The following ABLIM1 variants were observed in gnomAD, a reference collection of about 807,000 sequenced individuals.
The protein encoded by ABLIM1 is actin-binding LIM protein 1.
In ABLIM1, 40 loss-of-function variants were observed where a neutral mutation model predicts 107.0. The ratio of observed to expected loss-of-function variants is 0.37; its 90% CI spans 0.29 to 0.49. The LOEUF is 0.49. Ranked by LOEUF, ABLIM1 falls within the 20% of genes least tolerant of loss-of-function variation. The pLI is 0.97. For missense variants in ABLIM1, 857 were observed against 1,008.5 expected, an observed-to-expected ratio of 0.85 and a Z score of 2.04; for synonymous variants, 357 against 357.3, an observed-to-expected ratio of 1.00 and a Z score of 0.01.
At chr10:114,604,439 G>A (rs1001537722) in intron 1 of ABLIM1, among the ~76,000 whole-genome samples, 1 of 152,250 alleles carries the variant, frequency 6.6e-6, no homozygotes, top group African/African-American at 2.4e-5. Flanking sequence ...TAGCAATAAG[G>A]TTTTTGATAA....
chr10:114,540,865 C>T (rs1000216335), intron 6 of ABLIM1, among the ~76,000 whole-genome samples: 3 of 152,086 alleles, frequency 2.0e-5, no homozygotes, highest in Non-Finnish European at 1.5e-5. Context: ...AATGGTGACC[C>T]GATCATCACC....
At chr10:114,687,655 T>C (rs532328858), upstream of ABLIM1, among the ~76,000 whole-genome samples, 8 of 152,140 alleles carry the variant, frequency 5.3e-5, no homozygotes, top group Non-Finnish European at 1.2e-4. Context: ...GAGACAAAGC[T>C]TACCACCATG....
chr10:114,527,303 A>C (rs1003927166), intron 6 of ABLIM1, among the ~76,000 whole-genome samples: 2 of 152,200 alleles, frequency 1.3e-5, no homozygotes, highest in African/African-American at 4.8e-5. Context: ...CCCTTTTGTT[A>C]CTTCAGAATT....
At chr10:114,517,528 G>A (rs12240514) in intron 6 of ABLIM1, among the ~76,000 whole-genome samples, 4,516 of 152,130 alleles carry the variant, frequency 0.03, 97 homozygotes, top group South Asian at 0.072. Context: ...TTTCTGTCAT[G>A]TTTGAGCTGC....
At chr10:114,500,770 AG>A (rs2060316316) in intron 6 of ABLIM1, among the ~76,000 whole-genome samples, 1 of 147,278 alleles carries the variant, frequency 6.8e-6, no homozygotes, top group South Asian at 2.3e-4. Flanking sequence ...AGGGAAGGGA[AG>A]GGAAGGGAAG....
At chr10:114,462,504 G>C (rs952782093) in intron 12 of ABLIM1, among the ~76,000 whole-genome samples, 1 of 152,118 alleles carries the variant, frequency 6.6e-6, no homozygotes, top group Non-Finnish European at 1.5e-5. Flanking sequence ...GCATCATGTG[G>C]GAGTTAGGAC....
rs71007483 is a variant in ABLIM1 at position 114,622,247 on chromosome 10, C to CTTT, written c.245-20289_245-20287dup. 3.2e-3 allele frequency among the ~76,000 whole-genome samples: 441 copies of CTTT among 136,548 alleles called. 5 individuals carry two copies. The highest frequency in any genetic ancestry group is 0.011 in the African/African-American group (407 of 37,408). The allele number at this position is 136,548 out of a possible 152,430, so 89.6% of individuals were successfully genotyped here. A position where few individuals can be genotyped will look rare whatever the true frequency, so the allele number is the denominator to read the frequency against. The stretch of plus-strand genomic sequence containing the variant: ...TTTCCTATCATCCACTTTTCTTTTT[C>CTTT]TTTTTTTTTTTTTTTTTGAGACAGG... On this transcript the variant is annotated intron_variant, in intron 1 of 22. Coordinates refer to ENST00000533213, the MANE Select transcript of ABLIM1 (RefSeq NM_002313.7).
the ABLIM1 span, among the ~76,000 whole-genome samples, chr10:114,788,258 C>T: frequency 6.8e-6 from 1 of 147,534 alleles, no homozygotes; most frequent in East Asian, 2.0e-4. Context: ...ATCTGCTGAC[C>T]TTCCCTCCAC....
intron 6 of ABLIM1, among the ~76,000 whole-genome samples, chr10:114,501,006 T>C (rs1473692972): frequency 6.6e-6 from 1 of 152,202 alleles, no homozygotes; most frequent in Non-Finnish European, 1.5e-5. Context: ...AGTGAATTAA[T>C]ATGCCAACAG....
chr10:114,746,531 G>C (rs914993506), intron 1 of ABLIM1, among the ~76,000 whole-genome samples: 2 of 152,204 alleles, frequency 1.3e-5, no homozygotes, highest in African/African-American at 4.8e-5. Flanking sequence ...ATTGTGAATA[G>C]TGCAGCAATG....
intron 2 of ABLIM1, among the ~76,000 whole-genome samples, chr10:114,595,783 A>C (rs1224741788): frequency 6.6e-6 from 1 of 152,200 alleles, no homozygotes; most frequent in East Asian, 1.9e-4. Context: ...TCCTTCCTTC[A>C]GATGCTGCCA....
chr10:114,457,622 C>T (rs1355899036), intron 12 of ABLIM1, among the ~76,000 whole-genome samples: 1 of 152,160 alleles, frequency 6.6e-6, no homozygotes, highest in African/African-American at 2.4e-5. Context: ...CAGGAAATAA[C>T]TTATGGGGGC....
At chr10:114,533,082 G>A (rs1178118235) in intron 6 of ABLIM1, among the ~76,000 whole-genome samples, 1 of 152,198 alleles carries the variant, frequency 6.6e-6, no homozygotes, top group Non-Finnish European at 1.5e-5. Flanking sequence ...GCTCACGCCT[G>A]TTATCCCAGC....
intron 8 of ABLIM1, among the ~76,000 whole-genome samples, chr10:114,478,613 C>T (rs949026185): frequency 6.6e-6 from 1 of 152,210 alleles, no homozygotes; most frequent in African/African-American, 2.4e-5. Context: ...GTCTTTGCTT[C>T]CCCTTTGCCT....
intron 1 of ABLIM1, among the ~76,000 whole-genome samples, chr10:114,716,828 C>T (rs2081678046): frequency 7.6e-6 from 1 of 131,296 alleles, no homozygotes; most frequent in Non-Finnish European, 1.6e-5. Context: ...ATTGCTTGCA[C>T]TGCCTGGAAC....
intron 6 of ABLIM1, among the ~76,000 whole-genome samples, chr10:114,525,685 A>G (rs1422212558): frequency 3.3e-5 from 5 of 152,226 alleles, no homozygotes; most frequent in Non-Finnish European, 4.4e-5. Context: ...GGTAATCTAA[A>G]TAACTTCACA....
In ABLIM1 at chr10:114,747,825, A is replaced by G. The variant is rs1264912081; in HGVS notation, c.-213+20236T>C. 2.0e-5 allele frequency among the ~76,000 whole-genome samples: 3 copies of G among 152,232 alleles called. No homozygotes were observed. In the East Asian group the frequency reaches 5.8e-4, roughly 29 times the overall value. ...GAGGCCAAGGTGGGTGGATCACTTG[A>G]GGTCAGGAGTTCCAGACCAGCCTAG... is the stretch of plus-strand genomic sequence containing the variant. On this transcript the variant is annotated intron_variant, in intron 1 of 15. Coordinates refer to the ABLIM1 transcript ENST00000651092.
intron 4 of ABLIM1, among the ~76,000 whole-genome samples, chr10:114,567,705 T>G (rs1591275935): frequency 6.6e-6 from 1 of 152,348 alleles, no homozygotes; most frequent in South Asian, 2.1e-4. Flanking sequence ...TCTCTACCTA[T>G]CTGCTGTCTT....
upstream of ABLIM1, among the ~76,000 whole-genome samples, chr10:114,663,150 C>T (rs1398185710): frequency 1.3e-5 from 2 of 152,210 alleles, no homozygotes; most frequent in East Asian, 3.8e-4. Flanking sequence ...TGAAATTCCT[C>T]AACCTCCTTC....
Sources: gnomAD v4.1 joint callset for allele counts (sites outside exome capture counted in the v4.1 genomes callset) on GRCh38, gnomAD v4.1.1 for gene constraint, MANE v1.5 for transcripts, NCBI Gene and HGNC (gene_info 2026-07-23, HGNC 2026-07-21) for gene names.